Variants in VSTM2B observed in about 807,000 individuals in gnomAD.
VSTM2B encodes the protein V-set and transmembrane domain containing 2B, also known as V-set and transmembrane domain-containing protein 2B.
Under a neutral mutation model 24.0 loss-of-function variants are expected in VSTM2B, and 24 were observed. That is an observed-to-expected ratio of 1.00 (90% CI 0.72 to 1.40). The LOEUF (loss-of-function observed/expected upper bound fraction) is 1.40, where lower values mean the gene tolerates loss of function less well. Ranked by LOEUF, VSTM2B falls within the 40% of genes most tolerant of loss-of-function variation. The pLI is 0.00. For synonymous variants in VSTM2B, 226 were observed against 194.4 expected (o/e 1.16, Z -1.35); for missense variants, 399 against 416.4 (o/e 0.96, Z 0.36).
intron 4 of VSTM2B, among the ~76,000 whole-genome samples, chr19:29,534,857 T>C (rs371171146): frequency 9.2e-5 from 14 of 152,174 alleles, no homozygotes; most frequent in African/African-American, 3.1e-4. Flanking sequence ...TGGAAGGAAG[T>C]CAGAAAAAAA....
chr19:29,527,026 G>A, intron 1 of VSTM2B, 185 bp from the exon 2 acceptor site: 1 of 555,594 alleles, frequency 1.8e-6, no homozygotes, highest in African/African-American at 2.0e-5. Flanking sequence ...GCCGATGGCC[G>A]GTCCCTGCCT....
In VSTM2B at chr19:29,536,636, C is replaced by T. The variant is rs536997184; in HGVS notation, c.769+6346C>T. 7.7e-4 allele frequency among the ~76,000 whole-genome samples: 117 copies of T among 152,312 alleles called. 1 individual carries two copies. Among genetic ancestry groups the T allele is most frequent in the African/African-American group, 2.7e-3 (114 of 41,558 alleles). On this transcript the variant is annotated intron_variant, in intron 4 of 4. Transcript: ENST00000335523. ...TTCCCACAGTTCTCCCTAATGCCTC[C>T]TGCTTCAGTCCGTCCCCCAGAAGAC...
At chr19:29,553,066 C>A (rs1021255597) in intron 4 of VSTM2B, among the ~76,000 whole-genome samples, 1 of 152,132 alleles carries the variant, frequency 6.6e-6, no homozygotes, top group African/African-American at 2.4e-5. Flanking sequence ...GCAGTCTGGA[C>A]AAGTGAGATC....
intron 4 of VSTM2B, among the ~76,000 whole-genome samples, chr19:29,557,056 A>G (rs1409027183): frequency 1.3e-5 from 2 of 152,242 alleles, no homozygotes; most frequent in Non-Finnish European, 2.9e-5. Context: ...TGGAGCCCAA[A>G]AAGAGTCCAT....
At position 29,527,420 on chromosome 19, in the gene VSTM2B, G is replaced by C. The variant is rs552488308; in HGVS notation, c.267+25G>C. 196 of 1,452,150 alleles carry C rather than the reference G, an allele frequency of 1.3e-4. 1 individual carries two copies. In the South Asian group the frequency reaches 2.6e-3, roughly 19 times the overall value. 90.0% of individuals were successfully genotyped at this position (1,452,150 alleles called of 1,614,324 possible). On this transcript the variant is annotated intron_variant, in intron 2 of 4. Transcript: ENST00000335523. ...GGTAACCCGCCGCCCACGCGGTACCGGCGCGCGCCCGGCTCGCGCCCGGGG... is the reference window on the plus strand; with the variant it reads ...GGTAACCCGCCGCCCACGCGGTACCCGCGCGCGCCCGGCTCGCGCCCGGGG...
chr19:29,526,643 C>T lies in VSTM2B; in HGVS notation c.60C>T (p.Ala20=). Residue 20 remains alanine, a synonymous_variant, in exon 1 of 5, where the codon GCC becomes GCT. Coordinates refer to ENST00000335523, the MANE Select transcript of VSTM2B (RefSeq NM_001146339.2). The surrounding 1 kb of genome is among the most constrained non-coding windows in gnomAD (Gnocchi z 4.1). ...LGYLPPLLLH[A]LLLFVADAAF... ...ACCTGCCGCCTCTGCTGCTGCATGC[C>T]CTGCTGCTCTTCGTGGCCGACGGTG... 6.5e-7 allele frequency: 1 copy of T among 1,530,296 alleles called. No individual in the cohort carries two copies. Among genetic ancestry groups the T allele is most frequent in the Non-Finnish European group, 8.7e-7 (1 of 1,143,658 alleles). The allele number at this position is 1,530,296 out of a possible 1,614,324, so 94.8% of individuals were successfully genotyped here.
chr19:29,533,227 C>T (rs145038096), intron 4 of VSTM2B, among the ~76,000 whole-genome samples: 6 of 152,350 alleles, frequency 3.9e-5, no homozygotes, highest in South Asian at 2.1e-4. Flanking sequence ...CCACCAGCCA[C>T]GGGGCCATAT....
rs1969559403 is a variant in VSTM2B at position 29,526,240 on chromosome 19, C to T, written c.-344C>T. 6.6e-6 allele frequency among the ~76,000 whole-genome samples: 1 copy of T among 151,960 alleles called. No homozygotes were observed. The highest frequency in any genetic ancestry group is 2.4e-5 in the African/African-American group (1 of 41,390). The stretch of plus-strand genomic sequence containing the variant: ...TCCCTCGGCCAGGGATGGGTCCCGG[C>T]GCGGCCCAGCCCCTGCCCGGCCCGC... On this transcript the variant is annotated 5_prime_UTR_variant, in exon 1 of 5. Transcript: ENST00000335523. This position sits in a 1 kb window ranked among gnomAD's most constrained non-coding sequence, Gnocchi z 4.1.
At chr19:29,562,837 G>A (rs1337191934) in intron 4 of VSTM2B, among the ~76,000 whole-genome samples, 1 of 152,134 alleles carries the variant, frequency 6.6e-6, no homozygotes, top group Admixed American at 6.5e-5. Flanking sequence ...GGCGAAGCAG[G>A]GTGAGGCAGA....
chr19:29,537,404 G>A (rs951124305), intron 4 of VSTM2B, among the ~76,000 whole-genome samples: 7 of 152,124 alleles, frequency 4.6e-5, no homozygotes, highest in East Asian at 3.9e-4. Flanking sequence ...CTCGGTGACC[G>A]CAAAGTATGA....
chr19:29,535,790 C>T (rs1276337883), intron 4 of VSTM2B, among the ~76,000 whole-genome samples: 1 of 152,146 alleles, frequency 6.6e-6, no homozygotes, highest in African/African-American at 2.4e-5. Flanking sequence ...GCAGTACCAG[C>T]AGGCCCAGGA....
chr19:29,527,105 TG>T, intron 1 of VSTM2B, 105 bp from the exon 2 acceptor site: 15 of 1,003,822 alleles, frequency 1.5e-5, no homozygotes, highest in East Asian at 5.5e-5. Context: ...AGCTGCGGGG[TG>T]GGGGGCACAA....
chr19:29,538,290 T>G (rs1334580841), intron 4 of VSTM2B, among the ~76,000 whole-genome samples: 2 of 152,200 alleles, frequency 1.3e-5, no homozygotes, highest in African/African-American at 4.8e-5. Context: ...CGACACCGAT[T>G]CCTATGCCAG....
chr19:29,544,679 T>C (rs546193526), intron 4 of VSTM2B, among the ~76,000 whole-genome samples: 47 of 152,200 alleles, frequency 3.1e-4, no homozygotes, highest in African/African-American at 1.1e-3. Context: ...ACTGGCAGTG[T>C]TGGGAAGCTG....
At chr19:29,553,174 C>T (rs1384365459) in intron 4 of VSTM2B, among the ~76,000 whole-genome samples, 1 of 149,630 alleles carries the variant, frequency 6.7e-6, no homozygotes, top group African/African-American at 2.6e-5. Flanking sequence ...CAACAGGGGT[C>T]ACCATACAGG....
At chr19:29,555,990 C>G (rs1163781845) in intron 4 of VSTM2B, among the ~76,000 whole-genome samples, 1 of 152,084 alleles carries the variant, frequency 6.6e-6, no homozygotes, top group Non-Finnish European at 1.5e-5. Context: ...CAAAGAGGAG[C>G]TGTTACCATT....
rs768746781 is a variant in VSTM2B at position 29,564,070 on chromosome 19, T to C, written c.*136T>C. 2.9e-6 allele frequency: 2 copies of C among 688,574 alleles called. No homozygotes were observed. Among genetic ancestry groups the C allele is most frequent in the Non-Finnish European group, 4.9e-6 (2 of 411,308 alleles). The allele number at this position is 688,574 out of a possible 1,614,324, so 42.7% of individuals were successfully genotyped here. A position where few individuals can be genotyped will look rare whatever the true frequency, so the allele number is the denominator to read the frequency against. On this transcript the variant is annotated 3_prime_UTR_variant, in exon 5 of 5. Transcript: ENST00000335523. Reference sequence around the variant, plus strand: ...GTCCACATGGAAAATAAATAAATCATATTTTTGGGAAAGTTACACAAATGT... The same window carrying C: ...GTCCACATGGAAAATAAATAAATCACATTTTTGGGAAAGTTACACAAATGT...
At chr19:29,544,309 G>A (rs1159411453) in intron 4 of VSTM2B, among the ~76,000 whole-genome samples, 2 of 151,474 alleles carry the variant, frequency 1.3e-5, no homozygotes, top group Non-Finnish European at 2.9e-5. Context: ...GGCGGATCAC[G>A]AGGTCAGGAG....
rs374884224 is a variant in VSTM2B, at chr19:29,527,367, C to A, written c.239C>A (p.Ala80Glu). Residue 80 changes from alanine (A) to glutamate (E), a missense_variant, in exon 2 of 5, where the codon GCG becomes GAG. Physicochemically the swap from Ala to Glu is moderately radical, Grantham distance 107 (BLOSUM62 -1). Transcript: ENST00000335523. Reference sequence around the variant, plus strand: ...CCCCGGGAGCTGCTGCACGAGCTGGCGCTCAGCGTGCCGGGCGCCCGGAGC... The same window carrying A: ...CCCCGGGAGCTGCTGCACGAGCTGGAGCTCAGCGTGCCGGGCGCCCGGAGC... ...EPPRELLHEL[A>E]LSVPGARSKV... 8.9e-5 allele frequency: 138 copies of A among 1,542,966 alleles called. No homozygotes were observed. The highest frequency in any genetic ancestry group is 6.7e-4 in the Middle Eastern group (4 of 5,946).
Sources: gnomAD v4.1 joint callset for allele counts (sites outside exome capture counted in the v4.1 genomes callset) on GRCh38, gnomAD v4.1.1 for gene constraint, Gnocchi (gnomAD v3.1) non-coding constraint, MANE v1.5 for transcripts, NCBI Gene and HGNC (gene_info 2026-07-23, HGNC 2026-07-21) for gene names.